RSPO2: variants seen among roughly 807,000 people sequenced by gnomAD.
The protein encoded by RSPO2 is R-spondin 2.
Under a neutral mutation model 30.9 loss-of-function variants are expected in RSPO2, and 14 were observed. The observed-to-expected ratio is 0.45, with a 90% CI of 0.30 to 0.71. The LOEUF (loss-of-function observed/expected upper bound fraction) is 0.71. RSPO2 is among the 30% of genes least tolerant of loss of function. RSPO2 has a pLI of 0.08. For synonymous variants in RSPO2, 107 were observed against 96.4 expected, an observed-to-expected ratio of 1.11 and a Z score of -0.64; for missense variants, 264 against 301.9, an observed-to-expected ratio of 0.87 and a Z score of 0.93.
chr8:108,030,996 T>G (rs1811401854), intron 2 of RSPO2, among the ~76,000 whole-genome samples: 1 of 152,180 alleles, frequency 6.6e-6, no homozygotes, highest in Admixed American at 6.5e-5. Context: ...GGATTAATAT[T>G]CTTTAAGGAT....
At chr8:108,012,702 T>C (rs1367082741) in intron 2 of RSPO2, among the ~76,000 whole-genome samples, 1 of 152,204 alleles carries the variant, frequency 6.6e-6, no homozygotes, top group Non-Finnish European at 1.5e-5. Context: ...CTATTCAACC[T>C]ATAGTATGAG....
chr8:107,917,292 T>G (rs1478679208), intron 5 of RSPO2, among the ~76,000 whole-genome samples: 1 of 151,860 alleles, frequency 6.6e-6, no homozygotes, highest in African/African-American at 2.4e-5. Context: ...TGAGACCAGG[T>G]TGGCCAACAT....
chr8:107,958,495 T>C (rs1481074760), intron 4 of RSPO2, among the ~76,000 whole-genome samples: 1 of 152,172 alleles, frequency 6.6e-6, no homozygotes, highest in Non-Finnish European at 1.5e-5. Flanking sequence ...TTTCCATTTG[T>C]CTTAGTTCAG....
chr8:108,006,701 A>G (rs1377473250), intron 2 of RSPO2, among the ~76,000 whole-genome samples: 1 of 152,190 alleles, frequency 6.6e-6, no homozygotes, highest in African/African-American at 2.4e-5. Context: ...CAAATTCTGA[A>G]AAAGATTGTA....
chr8:107,930,608 C>T (rs1280040939), intron 5 of RSPO2, among the ~76,000 whole-genome samples: 1 of 152,150 alleles, frequency 6.6e-6, no homozygotes, highest in Non-Finnish European at 1.5e-5. Context: ...GAATAACACA[C>T]CAGTGCAATA....
At chr8:108,026,733 G>T (rs1322569234) in intron 2 of RSPO2, among the ~76,000 whole-genome samples, 1 of 152,064 alleles carries the variant, frequency 6.6e-6, no homozygotes, top group African/African-American at 2.4e-5. Flanking sequence ...AGGCATGGTG[G>T]CAGATGCCTG....
intron 2 of RSPO2, among the ~76,000 whole-genome samples, chr8:108,029,054 CT>C (rs71308771): frequency 1.1e-4 from 3 of 26,200 alleles, no homozygotes; most frequent in Non-Finnish European, 3.4e-4. Flanking sequence ...TAACATGAGT[CT>C]TTTTTTTTTT....
At chr8:108,059,851 G>C (rs1812391169) in intron 2 of RSPO2, among the ~76,000 whole-genome samples, 2 of 118,868 alleles carry the variant, frequency 1.7e-5, no homozygotes, top group East Asian at 5.4e-4. Context: ...GGGGACTGTT[G>C]TGGGGTGGGG....
At chr8:108,047,367 T>C (rs540021511) in intron 2 of RSPO2, among the ~76,000 whole-genome samples, 2 of 152,352 alleles carry the variant, frequency 1.3e-5, no homozygotes, top group Non-Finnish European at 2.9e-5. Flanking sequence ...TGTGACTTCA[T>C]GTCTTGAAAG....
At chr8:108,004,337 A>T (rs916204808) in intron 2 of RSPO2, among the ~76,000 whole-genome samples, 2 of 152,124 alleles carry the variant, frequency 1.3e-5, no homozygotes, top group African/African-American at 4.8e-5. Flanking sequence ...AATCACCCCC[A>T]AACCATGCAA....
intron 3 of RSPO2, among the ~76,000 whole-genome samples, chr8:107,974,581 T>C (rs1814142778): frequency 6.6e-6 from 1 of 152,120 alleles, no homozygotes; most frequent in Non-Finnish European, 1.5e-5. Flanking sequence ...TCAGTATTCT[T>C]AGATGTCAAG....
intron 2 of RSPO2, among the ~76,000 whole-genome samples, chr8:108,050,579 C>T (rs1320100250): frequency 6.6e-6 from 1 of 152,078 alleles, no homozygotes; most frequent in Non-Finnish European, 1.5e-5. Flanking sequence ...GAAAACCTCA[C>T]TTTTAATTTT....
intron 5 of RSPO2, among the ~76,000 whole-genome samples, chr8:107,954,764 C>T (rs534953348): frequency 2.6e-5 from 4 of 152,112 alleles, no homozygotes; most frequent in African/African-American, 9.7e-5. Flanking sequence ...GCACCCACCA[C>T]CATGCCCAGC....
intron 5 of RSPO2, among the ~76,000 whole-genome samples, chr8:107,909,302 G>A (rs943127135): frequency 7.6e-5 from 10 of 132,178 alleles, no homozygotes; most frequent in Admixed American, 2.8e-4. Context: ...TCGCTCTGTC[G>A]CCCAGGCTGG....
At chr8:107,955,016 G>C (rs1813377242) in intron 5 of RSPO2, among the ~76,000 whole-genome samples, 1 of 152,118 alleles carries the variant, frequency 6.6e-6, no homozygotes, top group African/African-American at 2.4e-5. Context: ...GATTTAAAAA[G>C]AATCTTGGTT....
At chr8:108,051,145 GAA>G (rs1272140714) in intron 2 of RSPO2, among the ~76,000 whole-genome samples, 2 of 152,158 alleles carry the variant, frequency 1.3e-5, no homozygotes, top group Admixed American at 6.6e-5. Context: ...ATTTGGTGAA[GAA>G]AGAGAAAAAC....
chr8:107,902,693 A>G lies in RSPO2; in HGVS notation c.617-1503T>C, dbSNP rs542492590. ...ATGGAAAACAGGCTTACTCTTCAAG[A>G]CCCTAGCACAGTGACTGGCACTTAG... On this transcript the variant is annotated intron_variant, in intron 5 of 5. Coordinates refer to ENST00000276659, the MANE Select transcript of RSPO2 (RefSeq NM_178565.5). 2.6e-5 allele frequency among the ~76,000 whole-genome samples: 4 copies of G among 152,180 alleles called. No individual in the cohort carries two copies. The East Asian group carries it at 7.7e-4, about 29-fold the overall frequency.
chr8:107,943,828 G>T (rs1003027263), intron 5 of RSPO2, among the ~76,000 whole-genome samples: 1 of 152,150 alleles, frequency 6.6e-6, no homozygotes, highest in African/African-American at 2.4e-5. Context: ...CCATGTAAAA[G>T]ACAAGAATAC....
At chr8:107,973,569 G>T (rs1230859641) in intron 3 of RSPO2, among the ~76,000 whole-genome samples, 1 of 148,516 alleles carries the variant, frequency 6.7e-6, no homozygotes, top group African/African-American at 2.5e-5. Flanking sequence ...CACAGAACAA[G>T]CAAACAAAAA....
Sources: allele counts gnomAD v4.1 joint callset (sites outside exome capture counted in the v4.1 genomes callset), GRCh38; gene constraint gnomAD v4.1.1; transcripts MANE v1.5; gene names NCBI Gene and HGNC (gene_info 2026-07-23, HGNC 2026-07-21).